The following SPATS2 variants were observed in gnomAD, a reference collection of about 807,000 sequenced individuals.
The protein encoded by SPATS2 is spermatogenesis-associated serine-rich protein 2.
In SPATS2, 38 loss-of-function variants were observed where a neutral mutation model predicts 63.7. That is an observed-to-expected ratio of 0.60 (90% confidence interval 0.46 to 0.78). The LOEUF is 0.78. Among genes scored for constraint, SPATS2 ranks in the 30% least tolerant of loss-of-function variants. SPATS2 has a pLI of 0.00. For synonymous variants in SPATS2, 207 were observed against 232.9 expected (o/e 0.89, Z 1.01); for missense variants, 588 against 666.2 (o/e 0.88, Z 1.29).
intron 2 of SPATS2, among the ~76,000 whole-genome samples, chr12:49,437,260 C>G (rs1387626715): frequency 6.6e-6 from 1 of 151,762 alleles, no homozygotes; most frequent in Non-Finnish European, 1.5e-5. Context: ...CTCCCCACAT[C>G]TCAGACGATG....
At chr12:49,474,286 G>A (rs962143952) in intron 3 of SPATS2, among the ~76,000 whole-genome samples, 3 of 152,138 alleles carry the variant, frequency 2.0e-5, no homozygotes, top group Admixed American at 2.0e-4. Flanking sequence ...TATAATTGAA[G>A]TTGATTATTG....
Position 49,494,763 on chromosome 12 carries a change from C to G in SPATS2, c.287C>G (p.Pro96Arg). Residue 96 changes from proline to arginine, a missense_variant, in exon 7 of 14, where the codon CCG (proline) becomes CGG (arginine). Pro to Arg is a moderately radical substitution (Grantham distance 103). Transcript: ENST00000552918. ...TAGAACAAAAAGAAGAAAAACAAAC[C>G]GAAACCTGCCGCAGAACCAAGTAAC... ...KKKNKKKKNK[P>R]KPAAEPSNGI... 1 of 1,573,170 alleles carries G rather than the reference C, an allele frequency of 6.4e-7. No individual in the cohort carries two copies. Among genetic ancestry groups the G allele is most frequent in the Non-Finnish European group, 8.6e-7 (1 of 1,162,510 alleles).
intron 9 of SPATS2, among the ~76,000 whole-genome samples, chr12:49,506,866 G>A (rs1420427996): frequency 6.6e-6 from 1 of 151,736 alleles, no homozygotes; most frequent in Non-Finnish European, 1.5e-5. Context: ...TCGATTTACA[G>A]TGGGTTTATT....
At chr12:49,420,063 A>G (rs11837194) in intron 2 of SPATS2, among the ~76,000 whole-genome samples, 13,949 of 152,220 alleles carry the variant, frequency 0.092, 753 homozygotes, top group African/African-American at 0.14. Flanking sequence ...TTGATGAATG[A>G]CCAACTTCAA....
chr12:49,462,444 T>C, intron 3 of SPATS2: 1 of 702,234 alleles, frequency 1.4e-6, no homozygotes. Context: ...AGTGCTCTTC[T>C]GGCTCTGCCA....
intron 6 of SPATS2, among the ~76,000 whole-genome samples, chr12:49,493,257 G>A (rs1946413586): frequency 6.6e-6 from 1 of 152,166 alleles, no homozygotes; most frequent in African/African-American, 2.4e-5. Context: ...ATAGAATTAG[G>A]TGTTGCCAGT....
chr12:49,410,461 C>A (rs1165347885), intron 2 of SPATS2, among the ~76,000 whole-genome samples: 1 of 152,092 alleles, frequency 6.6e-6, no homozygotes, highest in Non-Finnish European at 1.5e-5. Flanking sequence ...CACTGGGATG[C>A]AGAATGAGTA....
chr12:49,388,417 TG>T (rs1184365900), intron 2 of SPATS2, among the ~76,000 whole-genome samples: 4 of 151,890 alleles, frequency 2.6e-5, no homozygotes, highest in African/African-American at 9.7e-5. Flanking sequence ...TCTGTCACCC[TG>T]GCTGGAGTGC....
rs143730587 is a variant in SPATS2 at position 49,466,308 on chromosome 12, G to A, written c.25+5271G>A. On this transcript the variant is annotated intron_variant, in intron 3 of 13. Coordinates refer to ENST00000552918, the MANE Select transcript of SPATS2 (RefSeq NM_023071.4). ...CTCCTGAGTAGCTGGGATTACAGGC[G>A]CCCACCACCACGCCCGGCTAATTTT... Among the ~76,000 whole-genome samples, 1,394 of 151,790 alleles carry A rather than the reference G, an allele frequency of 9.2e-3. 14 individuals carry two copies. Among genetic ancestry groups the A allele is most frequent in the Non-Finnish European group, 0.016 (1,076 of 67,908 alleles).
At chr12:49,411,023 T>A (rs542873799) in intron 2 of SPATS2, among the ~76,000 whole-genome samples, 4 of 152,250 alleles carry the variant, frequency 2.6e-5, no homozygotes, top group Admixed American at 2.6e-4. Flanking sequence ...TTTCAAAATT[T>A]GTATAGGGCC....
chr12:49,483,730 C>G (rs1029701065), intron 3 of SPATS2, among the ~76,000 whole-genome samples: 2 of 152,132 alleles, frequency 1.3e-5, no homozygotes, highest in Non-Finnish European at 2.9e-5. Flanking sequence ...AATTCTAACT[C>G]CTAAGCTACT....
At chr12:49,462,694 A>G in intron 3 of SPATS2, 1 of 557,316 alleles carries the variant, frequency 1.8e-6, no homozygotes, top group South Asian at 2.1e-5. Flanking sequence ...GGGGAGCTGA[A>G]AAGGGGTTGG....
At chr12:49,492,219 C>CTTTTTTTTTTTTTTTTTTTT (rs534727922) in intron 6 of SPATS2, among the ~76,000 whole-genome samples, 1 of 144,256 alleles carries the variant, frequency 6.9e-6, no homozygotes, top group African/African-American at 2.5e-5. Context: ...TTTCTTTTTT[C>CTTTTTTTTTTTTTTTTTTTT]TTTTTTTTTT....
chr12:49,462,278 G>A lies in SPATS2; in HGVS notation c.25+1241G>A, dbSNP rs1203961369. 7.1e-6 allele frequency: 5 copies of A among 702,358 alleles called. 1 individual carries two copies. The South Asian group carries it at 7.4e-5, about 10-fold the overall frequency. The allele number at this position is 702,358 out of a possible 1,614,324, so 43.5% of individuals were successfully genotyped here. ...TGCCTCTCTCAACTCCTCACAGGAAGGAGAGCGCGAGTGAACAAGGAAGGA... is the reference window on the plus strand; with the variant it reads ...TGCCTCTCTCAACTCCTCACAGGAAAGAGAGCGCGAGTGAACAAGGAAGGA... On this transcript the variant is annotated intron_variant, in intron 3 of 13. Coordinates refer to ENST00000552918, the MANE Select transcript of SPATS2 (RefSeq NM_023071.4).
intron 2 of SPATS2, among the ~76,000 whole-genome samples, chr12:49,385,391 G>GTGTGTGTGTGTGT (rs1461878066): frequency 8.7e-5 from 10 of 114,322 alleles, no homozygotes; most frequent in African/African-American, 3.7e-4. Context: ...TGTGTGTGTG[G>GTGTGTGTGTGTGT]CAGAGACAGA....
rs977345583 is a variant in SPATS2 at position 49,526,475 on chromosome 12, G to C, written c.*220G>C. ...TTGATCTTTCCCAGTGATATGGATTGAATCTGGTTGGTCATTTCCACCAGG... is the reference window on the plus strand; with the variant it reads ...TTGATCTTTCCCAGTGATATGGATTCAATCTGGTTGGTCATTTCCACCAGG... On this transcript the variant is annotated 3_prime_UTR_variant, in exon 14 of 14. Coordinates refer to ENST00000552918, the MANE Select transcript of SPATS2 (RefSeq NM_023071.4). 9 of 591,506 alleles carry C rather than the reference G, an allele frequency of 1.5e-5. No homozygotes were observed. The highest frequency in any genetic ancestry group is 7.5e-5 in the African/African-American group (4 of 53,260). 36.6% of individuals were successfully genotyped at this position (591,506 alleles called of 1,614,324 possible).
chr12:49,446,412 T>G (rs1410252805), intron 2 of SPATS2, among the ~76,000 whole-genome samples: 5 of 152,238 alleles, frequency 3.3e-5, no homozygotes, highest in Admixed American at 1.3e-4. Context: ...AGGCAAGGCT[T>G]TGTTCCTTTC....
At chr12:49,469,358 C>CCAT (rs2137738748) in intron 3 of SPATS2, among the ~76,000 whole-genome samples, 1 of 143,018 alleles carries the variant, frequency 7.0e-6, no homozygotes, top group South Asian at 2.3e-4. Flanking sequence ...CCACTGCATT[C>CCAT]CATCCTGGGC....
chr12:49,415,785 C>T (rs1354317672), intron 2 of SPATS2, among the ~76,000 whole-genome samples: 3 of 152,168 alleles, frequency 2.0e-5, no homozygotes, highest in African/African-American at 7.2e-5. Context: ...CATACTTATA[C>T]AATATGTAAA....
Sources: gnomAD v4.1 joint callset for allele counts (sites outside exome capture counted in the v4.1 genomes callset) on GRCh38, gnomAD v4.1.1 for gene constraint, MANE v1.5 for transcripts, NCBI Gene and HGNC (gene_info 2026-07-23, HGNC 2026-07-21) for gene names.